PIK3C2G: variants seen among roughly 807,000 people sequenced by gnomAD.
PIK3C2G encodes phosphatidylinositol 3-kinase C2 domain-containing subunit gamma.
A neutral mutation model predicts 181.1 loss-of-function variants in PIK3C2G; 168 were observed. The ratio of observed to expected loss-of-function variants is 0.93; its 90% confidence interval spans 0.82 to 1.05. The LOEUF is 1.05. Ranked by LOEUF, PIK3C2G falls within the 50% of genes least tolerant of loss-of-function variation. The pLI is 0.00. For missense variants in PIK3C2G, 1,869 were observed against 1,732.8 expected (o/e 1.08, Z -1.40); for synonymous variants, 573 against 592.2 (o/e 0.97, Z 0.47).
the PIK3C2G span, among the ~76,000 whole-genome samples, chr12:18,655,836 A>C: frequency 1.3e-5 from 2 of 151,796 alleles, no homozygotes; most frequent in Non-Finnish European, 2.9e-5. Flanking sequence ...AACTGTCAAC[A>C]TCATAAAAAG....
At chr12:18,705,281 T>A in the PIK3C2G span, 9 of 1,613,976 alleles carry the variant, frequency 5.6e-6, no homozygotes, top group Non-Finnish European at 7.6e-6. Context: ...GGAGCAGTGA[T>A]TTTCTAAAGA....
chr12:18,713,902 GTTTAAATTAA>G, the PIK3C2G span: 1 of 152,152 alleles, frequency 6.6e-6, no homozygotes, highest in Non-Finnish European at 1.5e-5. Context: ...TACCCACTGT[GTTTAAATTAA>G]TTTTCAGTGT....
the PIK3C2G span, among the ~76,000 whole-genome samples, chr12:18,723,006 T>C: frequency 6.6e-6 from 1 of 152,034 alleles, no homozygotes; most frequent in African/African-American, 2.4e-5. Flanking sequence ...ATAGGGTACA[T>C]GTAATAGAAT....
chr12:18,690,282 G>A, the PIK3C2G span, among the ~76,000 whole-genome samples: 3 of 152,022 alleles, frequency 2.0e-5, no homozygotes, highest in East Asian at 3.9e-4. Context: ...GGAGTGCAAC[G>A]GTGCGACCTC....
In PIK3C2G at chr12:18,488,582, G is replaced by C; in HGVS notation, c.2638G>C (p.Gly880Arg). 6.4e-7 allele frequency: 1 copy of C among 1,569,594 alleles called. No individual in the cohort carries two copies. Among genetic ancestry groups the C allele is most frequent in the East Asian group, 2.4e-5 (1 of 42,482 alleles). Residue 880 changes from glycine to arginine, a missense_variant, in exon 19 of 33, where the codon GGA (glycine) becomes CGA (arginine). Physicochemically the swap from Gly to Arg is moderately radical, Grantham distance 125. Transcript: ENST00000538779. ...SKEQKLIKIL[G>R]DIGERVKSAS... ...GGAGCAGAAACTTATCAAAATTCTG[G>C]GAGATATTGGGGAAAGAGTCAAGTC...
At chr12:18,260,661 T>C (rs1166026027), upstream of PIK3C2G, among the ~76,000 whole-genome samples, 1 of 151,804 alleles carries the variant, frequency 6.6e-6, no homozygotes, top group Non-Finnish European at 1.5e-5. Context: ...AAAACTACTA[T>C]AAATCTAAAA....
intron 18 of PIK3C2G, among the ~76,000 whole-genome samples, chr12:18,430,078 G>C (rs894933019): frequency 6.6e-6 from 1 of 152,108 alleles, no homozygotes; most frequent in Non-Finnish European, 1.5e-5. Flanking sequence ...TTTTCCTGAA[G>C]AGCACTTCTT....
intron 8 of PIK3C2G, among the ~76,000 whole-genome samples, chr12:18,331,016 T>C (rs185676092): frequency 1.3e-5 from 2 of 152,284 alleles, no homozygotes; most frequent in African/African-American, 4.8e-5. Flanking sequence ...CTATTTTTAG[T>C]TTTAGCTGTT....
chr12:18,671,334 A>G, the PIK3C2G span, among the ~76,000 whole-genome samples: 1 of 152,092 alleles, frequency 6.6e-6, no homozygotes, highest in Non-Finnish European at 1.5e-5. Context: ...TTTTTATTGG[A>G]CTGAATCCAC....
Position 18,503,358 on chromosome 12 carries a change from G to T in PIK3C2G, c.3094G>T (p.Glu1032Ter). The stretch of plus-strand genomic sequence containing the variant: ...TTCTGGACTGATAGGACCATTGAAA[G>T]AAAATACAATTAAAAAGTGGTTCAG... ...RHSGLIGPLK[E>*]NTIKKWFSQH... Residue 1032 changes from glutamate (E) to a stop codon, truncating the protein, a stop_gained, in exon 23 of 33, where the codon GAA becomes TAA. Transcript: ENST00000538779. LOFTEE classifies it high-confidence loss of function. 1 of 1,611,812 alleles carries T rather than the reference G, an allele frequency of 6.2e-7. No homozygotes were observed. The highest frequency in any genetic ancestry group is 8.5e-7 in the Non-Finnish European group (1 of 1,178,538).
chr12:18,306,707 A>G (rs1950435865), intron 5 of PIK3C2G, among the ~76,000 whole-genome samples: 1 of 152,054 alleles, frequency 6.6e-6, no homozygotes, highest in South Asian at 2.1e-4. Flanking sequence ...CTACAGTACT[A>G]ATATTATTTT....
chr12:18,379,039 A>G (rs1437199384), intron 13 of PIK3C2G, among the ~76,000 whole-genome samples: 1 of 152,182 alleles, frequency 6.6e-6, no homozygotes, highest in Non-Finnish European at 1.5e-5. Context: ...ATTATAAATC[A>G]TGATACTATA....
the PIK3C2G span, among the ~76,000 whole-genome samples, chr12:18,717,419 T>G: frequency 6.6e-6 from 1 of 152,186 alleles, no homozygotes; most frequent in East Asian, 1.9e-4. Context: ...TATCTTGGAA[T>G]TAGAAGATAT....
intron 19 of PIK3C2G, among the ~76,000 whole-genome samples, chr12:18,489,442 A>T: frequency 6.6e-6 from 1 of 152,118 alleles, no homozygotes; most frequent in Admixed American, 6.5e-5. Context: ...ATATAAAAAT[A>T]GTAGTAGGCA....
At chr12:18,593,907 C>G (rs542483337) in intron 29 of PIK3C2G, among the ~76,000 whole-genome samples, 21 of 149,704 alleles carry the variant, frequency 1.4e-4, no homozygotes, top group Admixed American at 2.7e-4. Flanking sequence ...GATATATCCC[C>G]TGATTCTCTC....
At chr12:18,723,190 C>G in the PIK3C2G span, 1 of 841,654 alleles carries the variant, frequency 1.2e-6, no homozygotes, top group Non-Finnish European at 1.9e-6. Flanking sequence ...TTTGACCCAT[C>G]CAAAAACGGT....
At chr12:18,542,648 G>T (rs1944221390) in intron 25 of PIK3C2G, among the ~76,000 whole-genome samples, 2 of 151,916 alleles carry the variant, frequency 1.3e-5, no homozygotes, top group South Asian at 2.1e-4. Context: ...TTATAAGTGA[G>T]AATATGCAGT....
chr12:18,399,656 C>T lies in PIK3C2G; in HGVS notation c.2127-3C>T, dbSNP rs1483471451. The T allele has an allele frequency of 6.5e-7, 1 of 1,533,070 alleles. No individual in the cohort carries two copies. Among genetic ancestry groups the T allele is most frequent in the South Asian group, 1.3e-5 (1 of 78,742 alleles). 95.0% of individuals were successfully genotyped at this position (1,533,070 alleles called of 1,614,324 possible). A position where few individuals can be genotyped will look rare whatever the true frequency, so the allele number is the denominator to read the frequency against. Reference sequence around the variant, plus strand: ...AATTACAGTTTCCAATCTGGTTTTTCAGACTCTCTGAAGAAAAGAAAAGAT... The same window carrying T: ...AATTACAGTTTCCAATCTGGTTTTTTAGACTCTCTGAAGAAAAGAAAAGAT... On this transcript the variant is annotated splice_polypyrimidine_tract_variant and splice_region_variant and intron_variant, in intron 15 of 32. Coordinates refer to ENST00000538779, the MANE Select transcript of PIK3C2G (RefSeq NM_001288772.2).
intron 13 of PIK3C2G, chr12:18,372,488 C>A (rs1422346277): frequency 6.6e-6 from 1 of 152,158 alleles, no homozygotes; most frequent in African/African-American, 2.4e-5. Context: ...TGTTAGCAGA[C>A]ATTTCAAAGA....
Sources: allele counts gnomAD v4.1 joint callset (sites outside exome capture counted in the v4.1 genomes callset), GRCh38; gene constraint gnomAD v4.1.1; transcripts MANE v1.5; gene names NCBI Gene and HGNC (gene_info 2026-07-23, HGNC 2026-07-21).